Variants in GABRR2 observed in about 807,000 individuals in gnomAD.
GABRR2 encodes the protein gamma-aminobutyric acid type A receptor subunit rho2.
In GABRR2, 36 loss-of-function variants were observed where a neutral mutation model predicts 47.0. The ratio of observed to expected loss-of-function variants is 0.77; its 90% CI spans 0.59 to 1.01. The LOEUF is 1.01. Among genes scored for constraint, GABRR2 ranks in the 50% least tolerant of loss-of-function variants. The pLI, the probability that GABRR2 is intolerant of heterozygous loss-of-function variation, is 0.00. For synonymous variants in GABRR2, 204 were observed against 227.5 expected (o/e 0.90, Z 0.93); for missense variants, 587 against 594.6 (o/e 0.99, Z 0.13).
intron 1 of GABRR2, chr6:89,303,068 T>C: frequency 1.2e-6 from 1 of 844,320 alleles, no homozygotes; most frequent in South Asian, 1.3e-5. Flanking sequence ...GAGGGTGAGA[T>C]GTTCGCAGAT....
At position 89,257,354 on chromosome 6, in the gene GABRR2, G is replaced by C; in HGVS notation, c.*316C>G. 1 of 311,170 alleles carries C rather than the reference G, an allele frequency of 3.2e-6. No homozygotes were observed. The highest frequency in any genetic ancestry group is 5.9e-6 in the Non-Finnish European group (1 of 168,924). 19.3% of individuals were successfully genotyped at this position (311,170 alleles called of 1,614,324 possible). A position where few individuals can be genotyped will look rare whatever the true frequency, so the allele number is the denominator to read the frequency against. On this transcript the variant is annotated 3_prime_UTR_variant, in exon 9 of 9. Transcript: ENST00000402938. ...ACTCCTAGGCAATCTGAGGGTCTAAGAATGTCTAGGAGGCATTTGAATCCT... is the reference window on the plus strand; with the variant it reads ...ACTCCTAGGCAATCTGAGGGTCTAACAATGTCTAGGAGGCATTTGAATCCT...
chr6:89,305,928 A>C (rs912401986), intron 1 of GABRR2, among the ~76,000 whole-genome samples: 1 of 152,140 alleles, frequency 6.6e-6, no homozygotes, highest in Non-Finnish European at 1.5e-5. Flanking sequence ...CCGAGTCTGC[A>C]TGTATACCCC....
At chr6:89,293,258 C>T (rs1024025724) in intron 2 of GABRR2, among the ~76,000 whole-genome samples, 2 of 151,950 alleles carry the variant, frequency 1.3e-5, no homozygotes, top group African/African-American at 4.8e-5. Flanking sequence ...ATTATGGAGA[C>T]AGAAAGTTGA....
intron 1 of GABRR2, among the ~76,000 whole-genome samples, chr6:89,308,466 G>T (rs73503986): frequency 0.049 from 7,506 of 152,124 alleles, 636 homozygotes; most frequent in African/African-American, 0.17. Flanking sequence ...TACCTCAGTG[G>T]AGTGTGATAA....
chr6:89,315,297 G>C lies in GABRR2; in HGVS notation c.-132C>G. 1 of 1,551,078 alleles carries C rather than the reference G, an allele frequency of 6.4e-7. No homozygotes were observed. Among genetic ancestry groups the C allele is most frequent in the South Asian group, 1.2e-5 (1 of 81,864 alleles). ...CTGAGGGGCTGTGAGGGCAAGGCTG[G>C]CCAGGCTAGTTGTCCCGATTTACTA... On this transcript the variant is annotated 5_prime_UTR_variant, in exon 1 of 9. Transcript: ENST00000402938.
chr6:89,266,799 G>T (rs1424633427), intron 6 of GABRR2, among the ~76,000 whole-genome samples: 1 of 152,090 alleles, frequency 6.6e-6, no homozygotes, highest in Non-Finnish European at 1.5e-5. Flanking sequence ...GAGTTCCTGG[G>T]AACCTTTATT....
intron 2 of GABRR2, among the ~76,000 whole-genome samples, chr6:89,296,874 A>G (rs1190782495): frequency 2.6e-5 from 4 of 152,208 alleles, no homozygotes; most frequent in Non-Finnish European, 5.9e-5. Context: ...TCGCTTTTGC[A>G]GCTGATGTCA....
intron 2 of GABRR2, among the ~76,000 whole-genome samples, chr6:89,277,292 C>T (rs758246163): frequency 6.6e-6 from 1 of 152,194 alleles, no homozygotes; most frequent in African/African-American, 2.4e-5. Flanking sequence ...CACCTTCTGC[C>T]CTGACTGTAA....
Position 89,269,170 on chromosome 6 carries a change from G to A in GABRR2, c.353C>T (p.Ala118Val), listed in dbSNP as rs755210127. The A allele has an allele frequency of 1.9e-6, 3 of 1,614,060 alleles. No individual in the cohort carries two copies. The South Asian group carries it at 3.3e-5, about 18-fold the overall frequency. Residue 118 changes from alanine to valine, a missense_variant, in exon 4 of 9, where the codon GCC becomes GTC. Physicochemically the swap from Ala to Val is moderately conservative, Grantham distance 64 (BLOSUM62 0). Transcript: ENST00000402938. ...WKDERLAFSS[A>V]SNKSMTFDGR... Reference sequence around the variant, plus strand: ...ATCGAAGGTCATGCTCTTGTTGCTGGCGCTGGAGAAAGCTAGCCTCTCATC... The same window carrying A: ...ATCGAAGGTCATGCTCTTGTTGCTGACGCTGGAGAAAGCTAGCCTCTCATC...
chr6:89,268,004 T>G lies in GABRR2; in HGVS notation c.595+10A>C. On this transcript the variant is annotated intron_variant, in intron 5 of 8. Transcript: ENST00000402938. The stretch of plus-strand genomic sequence containing the variant: ...AAGAAAGTGAAGGAATTAGGAATGC[T>G]GATACTTACAGCTCTCCAGCTCCAA... 1.2e-6 allele frequency: 2 copies of G among 1,609,454 alleles called. No individual in the cohort carries two copies. The highest frequency in any genetic ancestry group is 2.2e-5 in the South Asian group (2 of 90,490).
chr6:89,258,131 TC>T, intron 8 of GABRR2, 150 bp from the exon 9 acceptor site: 1 of 754,086 alleles, frequency 1.3e-6, no homozygotes, highest in Non-Finnish European at 2.1e-6. Context: ...CCAACGATCC[TC>T]TACCGTGGCT....
chr6:89,282,348 T>G (rs1021795624), intron 2 of GABRR2, among the ~76,000 whole-genome samples: 1 of 152,218 alleles, frequency 6.6e-6, no homozygotes, highest in African/African-American at 2.4e-5. Flanking sequence ...GTCCTCTTCC[T>G]GTTCATTAGG....
intron 8 of GABRR2, among the ~76,000 whole-genome samples, chr6:89,260,956 A>G (rs374790586): frequency 1.3e-5 from 2 of 152,314 alleles, no homozygotes; most frequent in South Asian, 2.1e-4. Context: ...CTTAAATCCT[A>G]CATTTGACAA....
chr6:89,292,794 TCGTATATATCG>T (rs1562379800), intron 2 of GABRR2, among the ~76,000 whole-genome samples: 10 of 21,894 alleles, frequency 4.6e-4, no homozygotes, highest in African/African-American at 1.1e-3. Context: ...ATACGATATA[TCGTATATATCG>T]TATATACGAT....
rs774667607 is a variant in GABRR2 at position 89,268,022 on chromosome 6, A to G, written c.587T>C (p.Leu196Pro). Residue 196 changes from leucine to proline, a missense_variant, in exon 5 of 9, where the codon CTG becomes CCG. By Grantham distance (98) the Leu-to-Pro change is moderately conservative. Transcript: ENST00000402938. The part of the protein sequence containing the change: ...PLDSQTCSLE[L>P]ESYAYTDEDL... ...GGAATGCTGATACTTACAGCTCTCC[A>G]GCTCCAAAGAACAGGTCTGGGAGTC... 24 of 1,611,318 alleles carry G rather than the reference A, an allele frequency of 1.5e-5. No homozygotes were observed. In the South Asian group the frequency reaches 2.5e-4, roughly 17 times the overall value.
intron 6 of GABRR2, among the ~76,000 whole-genome samples, chr6:89,266,975 C>T (rs62416347): frequency 0.065 from 9,777 of 150,242 alleles, 352 homozygotes; most frequent in South Asian, 0.082. Context: ...CATGTGTCAC[C>T]ATGCCTGGCT....
intron 1 of GABRR2, among the ~76,000 whole-genome samples, chr6:89,313,069 T>C (rs1485952276): frequency 5.3e-5 from 8 of 152,178 alleles, no homozygotes; most frequent in Admixed American, 2.6e-4. Flanking sequence ...TCTTACAGAA[T>C]AGACAGTTTT....
rs137933145 is a variant in GABRR2, at chr6:89,296,438, G to T, written c.220+3321C>A. Reference sequence around the variant, plus strand: ...ACATCTGGGCATCCAGGAAAGCCCTGCAGGAGATTACAGGTGCCCAGAGGA... The same window carrying T: ...ACATCTGGGCATCCAGGAAAGCCCTTCAGGAGATTACAGGTGCCCAGAGGA... On this transcript the variant is annotated intron_variant, in intron 2 of 8. Coordinates refer to ENST00000402938, the MANE Select transcript of GABRR2 (RefSeq NM_002043.5). Among the ~76,000 whole-genome samples, 1,297 of 152,320 alleles carry T rather than the reference G, an allele frequency of 8.5e-3. 21 individuals are homozygous for T. Among genetic ancestry groups the T allele is most frequent in the African/African-American group, 0.03 (1,255 of 41,568 alleles).
chr6:89,283,747 G>A (rs1354554600), intron 2 of GABRR2, among the ~76,000 whole-genome samples: 1 of 152,174 alleles, frequency 6.6e-6, no homozygotes, highest in East Asian at 1.9e-4. Flanking sequence ...GAGGGACAGC[G>A]TTTGGAACCA....
Sources: gnomAD v4.1 joint callset for allele counts (sites outside exome capture counted in the v4.1 genomes callset) on GRCh38, gnomAD v4.1.1 for gene constraint, MANE v1.5 for transcripts, NCBI Gene and HGNC (gene_info 2026-07-23, HGNC 2026-07-21) for gene names.